Variants in OPCML observed in about 807,000 individuals in gnomAD.
OPCML encodes opioid-binding protein/cell adhesion molecule.
A neutral mutation model predicts 37.8 loss-of-function variants in OPCML; 13 were observed. The observed-to-expected ratio is 0.34, with a 90% CI of 0.22 to 0.55. OPCML has a LOEUF of 0.55. Ranked by LOEUF, OPCML falls within the 20% of genes least tolerant of loss-of-function variation. The pLI is 0.91. For synonymous variants in OPCML, 176 were observed against 168.8 expected, an observed-to-expected ratio of 1.04 and a Z score of -0.33; for missense variants, 341 against 435.6, an observed-to-expected ratio of 0.78 and a Z score of 1.93.
chr11:133,068,306 C>T (rs1948471042), intron 1 of OPCML, among the ~76,000 whole-genome samples: 1 of 152,194 alleles, frequency 6.6e-6, no homozygotes, highest in South Asian at 2.1e-4. Context: ...AGCCCTTAAA[C>T]TCTGCTTTTT....
intron 1 of OPCML, among the ~76,000 whole-genome samples, chr11:133,110,041 A>T (rs1159245860): frequency 1.3e-5 from 2 of 152,138 alleles, no homozygotes; most frequent in African/African-American, 4.8e-5. Flanking sequence ...ATGCCGCAGA[A>T]ATCTGGTGAG....
chr11:133,515,424 C>T (rs1340916011), intron 1 of OPCML, among the ~76,000 whole-genome samples: 5 of 152,178 alleles, frequency 3.3e-5, no homozygotes. Flanking sequence ...AGGGATGTTG[C>T]TAAACATCAT....
At chr11:133,273,414 G>A (rs888206186) in intron 1 of OPCML, among the ~76,000 whole-genome samples, 1 of 152,178 alleles carries the variant, frequency 6.6e-6, no homozygotes, top group South Asian at 2.1e-4. Context: ...CAAGTCCTGC[G>A]GCATCCTGAG....
At chr11:132,949,768 C>A (rs10894627) in intron 1 of OPCML, among the ~76,000 whole-genome samples, 59,853 of 152,068 alleles carry the variant, frequency 0.39, 12,009 homozygotes, top group East Asian at 0.63. Context: ...AAGATGCAGT[C>A]ATTAATGAGA....
In OPCML at chr11:133,442,726, C is replaced by CGTGTGTGTGTGT. The variant is rs371441649; in HGVS notation, c.61+89526_61+89537dup. 4.3e-3 allele frequency among the ~76,000 whole-genome samples: 609 copies of CGTGTGTGTGTGT among 141,434 alleles called. 4 individuals carry two copies. The highest frequency in any genetic ancestry group is 0.021 in the East Asian group (101 of 4,708). 92.8% of individuals were successfully genotyped at this position (141,434 alleles called of 152,430 possible). On this transcript the variant is annotated intron_variant, in intron 1 of 7. Transcript: ENST00000524381. ...GATTGCAAAAGCAAACATATTTAAA[C>CGTGTGTGTGTGT]GTGTGTGTGTGTGTGTGTGTGTGTG... is the stretch of plus-strand genomic sequence containing the variant.
chr11:132,477,389 G>C (rs993168043), intron 4 of OPCML, among the ~76,000 whole-genome samples: 1 of 152,190 alleles, frequency 6.6e-6, no homozygotes, highest in Non-Finnish European at 1.5e-5. Context: ...GACTGAGACA[G>C]GTAGTAGCAC....
At chr11:132,480,708 C>A (rs1221517411) in intron 4 of OPCML, among the ~76,000 whole-genome samples, 1 of 152,030 alleles carries the variant, frequency 6.6e-6, no homozygotes, top group African/African-American at 2.4e-5. Flanking sequence ...GAGTGGGGAC[C>A]AATATTCAAC....
chr11:132,848,311 A>G (rs1044603048), intron 2 of OPCML, among the ~76,000 whole-genome samples: 1 of 152,198 alleles, frequency 6.6e-6, no homozygotes, highest in African/African-American at 2.4e-5. Context: ...AATTTCTACA[A>G]TCCTAGAAAG....
intron 1 of OPCML, among the ~76,000 whole-genome samples, chr11:133,194,341 G>A (rs976346720): frequency 2.0e-5 from 3 of 151,616 alleles, no homozygotes; most frequent in Non-Finnish European, 4.4e-5. Context: ...CTCCTGAGTA[G>A]CTGGGATTAC....
chr11:133,113,566 T>C (rs993199222), intron 1 of OPCML, among the ~76,000 whole-genome samples: 2 of 152,220 alleles, frequency 1.3e-5, no homozygotes, highest in African/African-American at 4.8e-5. Flanking sequence ...TGACTCAAAC[T>C]TGATTGCTCT....
rs143229868 is a variant in OPCML, at chr11:133,205,441, T to TG, written c.62-262432dup. ...AGTAAATGAATTAAACCTGAAGAGGTGGGGGCTGGGAACGCTGATCAGCAG... is the reference window on the plus strand; with the variant it reads ...AGTAAATGAATTAAACCTGAAGAGGTGGGGGGCTGGGAACGCTGATCAGCAG... On this transcript the variant is annotated intron_variant, in intron 1 of 7. Transcript: ENST00000524381. This position sits in a 1 kb window ranked among gnomAD's most constrained non-coding sequence, Gnocchi z 4.8. Among the ~76,000 whole-genome samples the TG allele has an allele frequency of 5.6e-3, 845 of 152,166 alleles. 8 individuals carry two copies. Among genetic ancestry groups the TG allele is most frequent in the African/African-American group, 0.019 (775 of 41,514 alleles).
intron 2 of OPCML, among the ~76,000 whole-genome samples, chr11:132,857,369 T>C (rs141989584): frequency 6.6e-6 from 1 of 152,300 alleles, no homozygotes; most frequent in Non-Finnish European, 1.5e-5. Flanking sequence ...GCAAAGATAG[T>C]AAAGAAAAAA....
intron 1 of OPCML, among the ~76,000 whole-genome samples, chr11:133,091,982 C>A (rs1341923576): frequency 2.0e-5 from 3 of 152,106 alleles, no homozygotes; most frequent in Non-Finnish European, 4.4e-5. Context: ...TGTGCAGAAA[C>A]TTAATTTCCA....
At chr11:133,493,630 AT>A (rs1246886778) in intron 1 of OPCML, among the ~76,000 whole-genome samples, 4 of 152,342 alleles carry the variant, frequency 2.6e-5, no homozygotes, top group South Asian at 2.1e-4. Context: ...TAAAAAAAAA[AT>A]AAGCATGCAT....
intron 1 of OPCML, chr11:133,007,879 G>A (rs903092312): frequency 9.1e-6 from 9 of 985,300 alleles, no homozygotes; most frequent in African/African-American, 1.7e-5. Context: ...TGGGGAAAAT[G>A]GTTTATGCTT....
At chr11:133,280,539 C>T (rs373172389) in intron 1 of OPCML, among the ~76,000 whole-genome samples, 3 of 152,200 alleles carry the variant, frequency 2.0e-5, no homozygotes, top group Non-Finnish European at 4.4e-5. Context: ...AATCCCCTAA[C>T]ATTTGCGCAT....
At chr11:133,229,655 T>A (rs1940191383) in intron 1 of OPCML, among the ~76,000 whole-genome samples, 1 of 152,026 alleles carries the variant, frequency 6.6e-6, no homozygotes, top group African/African-American at 2.4e-5. Context: ...TCTGTGAAAC[T>A]GTAAAGAAAA....
intron 1 of OPCML, among the ~76,000 whole-genome samples, chr11:133,085,921 TTTAA>T (rs1280946679): frequency 2.0e-5 from 3 of 152,318 alleles, no homozygotes; most frequent in Non-Finnish European, 4.4e-5. Flanking sequence ...AGTTGAATTG[TTTAA>T]TTAACCTGTC....
intron 1 of OPCML, among the ~76,000 whole-genome samples, chr11:133,188,983 G>T (rs917207200): frequency 1.3e-5 from 2 of 152,102 alleles, no homozygotes; most frequent in African/African-American, 4.8e-5. Context: ...TACAAACTCT[G>T]TATATTCAGA....
Sources: gnomAD v4.1 joint callset for allele counts (sites outside exome capture counted in the v4.1 genomes callset) on GRCh38, gnomAD v4.1.1 for gene constraint, Gnocchi (gnomAD v3.1) non-coding constraint, MANE v1.5 for transcripts, NCBI Gene and HGNC (gene_info 2026-07-23, HGNC 2026-07-21) for gene names.